Variants in CNTNAP5 observed in about 807,000 individuals in gnomAD.
The protein encoded by CNTNAP5 is contactin associated protein family member 5.
A neutral mutation model predicts 150.2 loss-of-function variants in CNTNAP5; 72 were observed. The ratio of observed to expected loss-of-function variants is 0.48; its 90% confidence interval spans 0.40 to 0.58. CNTNAP5 has a LOEUF of 0.58. Ranked by LOEUF, CNTNAP5 falls within the 20% of genes least tolerant of loss-of-function variation. The pLI, the probability that CNTNAP5 is intolerant of heterozygous loss-of-function variation, is 0.00. For missense variants in CNTNAP5, 1,636 were observed against 1,626.2 expected (o/e 1.01, Z -0.10); for synonymous variants, 672 against 619.8 (o/e 1.08, Z -1.25).
Position 124,252,031 on chromosome 2 carries a change from G to A in CNTNAP5, c.381+9638G>A, listed in dbSNP as rs150660903. ...TGAGAGAAAGGAAAATGCAGTGCAG[G>A]TGCAAATGACAGTGACCCAAAGCCA... is the stretch of plus-strand genomic sequence containing the variant. On this transcript the variant is annotated intron_variant, in intron 3 of 23. Coordinates refer to ENST00000682447, the MANE Select transcript of CNTNAP5 (RefSeq NM_001367498.1). Among the ~76,000 whole-genome samples the A allele has an allele frequency of 3.4e-4, 52 of 152,284 alleles. 1 individual carries two copies. In the East Asian group the frequency reaches 9.5e-3, roughly 28 times the overall value.
intron 10 of CNTNAP5, among the ~76,000 whole-genome samples, chr2:124,555,704 T>C (rs1695737519): frequency 6.6e-6 from 1 of 152,286 alleles, no homozygotes; most frequent in African/African-American, 2.4e-5. Flanking sequence ...CATGTTAACT[T>C]ACACAGGCTC....
rs1029644506 is a variant in CNTNAP5, at chr2:124,127,835, G to T, written c.83-93870G>T. On this transcript the variant is annotated intron_variant, in intron 1 of 23. Transcript: ENST00000682447. ...AAAGATTCCCTATTTAATAAATGTT[G>T]CTGGGAAAACTGGCTAGCCATATGT... Among the ~76,000 whole-genome samples, 6 of 152,160 alleles carry T rather than the reference G, an allele frequency of 3.9e-5. No individual in the cohort carries two copies. In the South Asian group the frequency reaches 6.2e-4, roughly 16 times the overall value.
chr2:124,713,235 C>CTT lies in CNTNAP5; in HGVS notation c.2078-33992_2078-33991dup, dbSNP rs1491013171. Among the ~76,000 whole-genome samples the CTT allele has an allele frequency of 3.4e-4, 14 of 40,734 alleles. No homozygotes were observed. In the South Asian group the frequency reaches 3.5e-3, roughly 10 times the overall value. The allele number at this position is 40,734 out of a possible 152,430, so 26.7% of individuals were successfully genotyped here. A position where few individuals can be genotyped will look rare whatever the true frequency, so the allele number is the denominator to read the frequency against. On this transcript the variant is annotated intron_variant, in intron 13 of 23. Transcript: ENST00000682447. ...TCTTTCTCTGTTTCTTTCTTTCTTT[C>CTT]TTTCTTTCTCTTTCTTTCTTTCTTT... is the stretch of plus-strand genomic sequence containing the variant.
chr2:124,443,523 A>C (rs1692726868), intron 5 of CNTNAP5, among the ~76,000 whole-genome samples: 1 of 152,094 alleles, frequency 6.6e-6, no homozygotes, highest in South Asian at 2.1e-4. Context: ...CACAAGCAAG[A>C]CATTAATAGC....
intron 1 of CNTNAP5, among the ~76,000 whole-genome samples, chr2:124,117,131 T>A (rs1480401081): frequency 6.6e-6 from 1 of 152,190 alleles, no homozygotes; most frequent in Non-Finnish European, 1.5e-5. Flanking sequence ...GTTTCCCTTA[T>A]TTTCATTTGA....
chr2:124,722,713 A>G (rs1381347930), intron 13 of CNTNAP5, among the ~76,000 whole-genome samples: 1 of 152,176 alleles, frequency 6.6e-6, no homozygotes, highest in Non-Finnish European at 1.5e-5. Flanking sequence ...ACCTCAGAAA[A>G]TGAATTGGAG....
intron 3 of CNTNAP5, among the ~76,000 whole-genome samples, chr2:124,333,301 C>G (rs1689393954): frequency 6.6e-6 from 1 of 151,942 alleles, no homozygotes; most frequent in East Asian, 1.9e-4. Flanking sequence ...AACACACACA[C>G]AAACAAAAAA....
rs115241725 is a variant in CNTNAP5, at chr2:124,841,607, T to G, written c.3218-23699T>G. 4.3e-3 allele frequency among the ~76,000 whole-genome samples: 654 copies of G among 152,216 alleles called. 7 individuals carry two copies. The highest frequency in any genetic ancestry group is 0.015 in the African/African-American group (634 of 41,546). On this transcript the variant is annotated intron_variant, in intron 19 of 23. Coordinates refer to ENST00000682447, the MANE Select transcript of CNTNAP5 (RefSeq NM_001367498.1). ...GGATGTTCCCTCGCAGCATTCCTCT[T>G]CACAGTATTATAATAGTCTGCTTAT...
In CNTNAP5 at chr2:124,915,341, A is replaced by C. The variant is rs2104773003; in HGVS notation, c.*1053A>C. 1 of 166,778 alleles carries C rather than the reference A, an allele frequency of 6.0e-6. No individual in the cohort carries two copies. Among genetic ancestry groups the C allele is most frequent in the Middle Eastern group, 3.4e-3 (1 of 296 alleles). The allele number at this position is 166,778 out of a possible 1,614,324, so 10.3% of individuals were successfully genotyped here. A position where few individuals can be genotyped will look rare whatever the true frequency, so the allele number is the denominator to read the frequency against. On this transcript the variant is annotated 3_prime_UTR_variant, in exon 24 of 24. Transcript: ENST00000682447. ...AACCATCTTAACTCAGCTTTAAAAC[A>C]AAAATTAAATCAGGAAAAAATGAAA...
chr2:124,316,138 C>A lies in CNTNAP5; in HGVS notation c.381+73745C>A, dbSNP rs1688953202. Among the ~76,000 whole-genome samples the A allele has an allele frequency of 2.0e-5, 3 of 152,122 alleles. No individual in the cohort carries two copies. In the South Asian group the frequency reaches 6.2e-4, roughly 32 times the overall value. ...GGTTTTATTGCCATAATTATTTGGG[C>A]CAGCAGGAGTTGGGGATTCTGCTGT... On this transcript the variant is annotated intron_variant, in intron 3 of 23. Transcript: ENST00000682447.
intron 3 of CNTNAP5, among the ~76,000 whole-genome samples, chr2:124,325,137 G>T (rs772243238): frequency 5.3e-5 from 8 of 152,118 alleles, no homozygotes; most frequent in Non-Finnish European, 1.0e-4. Context: ...TCATGAATGG[G>T]ATTAGTGCCC....
intron 7 of CNTNAP5, among the ~76,000 whole-genome samples, chr2:124,484,682 C>A (rs1202639080): frequency 6.6e-6 from 1 of 152,170 alleles, no homozygotes; most frequent in Non-Finnish European, 1.5e-5. Flanking sequence ...TAATCTCTAG[C>A]CTGCTCGACA....
chr2:124,280,929 A>G (rs981032151), intron 3 of CNTNAP5, among the ~76,000 whole-genome samples: 2 of 152,184 alleles, frequency 1.3e-5, no homozygotes, highest in African/African-American at 4.8e-5. Context: ...TAACCAAAAT[A>G]TTCATTAAGC....
intron 5 of CNTNAP5, among the ~76,000 whole-genome samples, chr2:124,442,936 T>G (rs977175532): frequency 1.5e-4 from 23 of 152,180 alleles, no homozygotes; most frequent in Non-Finnish European, 3.4e-4. Context: ...ATTTTAAAGC[T>G]AGACCGTATG....
intron 13 of CNTNAP5, among the ~76,000 whole-genome samples, chr2:124,666,815 G>A (rs948534460): frequency 2.0e-5 from 3 of 152,150 alleles, no homozygotes; most frequent in African/African-American, 7.2e-5. Context: ...ATCCTGCAGG[G>A]AGCGCATCCC....
chr2:124,517,994 G>A (rs1573430848), intron 8 of CNTNAP5, among the ~76,000 whole-genome samples: 1 of 151,864 alleles, frequency 6.6e-6, no homozygotes, highest in Non-Finnish European at 1.5e-5. Context: ...GATGGTGATG[G>A]GGGATTGTTA....
intron 12 of CNTNAP5, among the ~76,000 whole-genome samples, chr2:124,643,688 G>T (rs1308482840): frequency 6.6e-6 from 1 of 152,162 alleles, no homozygotes; most frequent in African/African-American, 2.4e-5. Context: ...TCATTTGAGT[G>T]CCAGACAGTC....
intron 3 of CNTNAP5, among the ~76,000 whole-genome samples, chr2:124,259,774 A>C (rs1470615817): frequency 7.2e-5 from 11 of 152,202 alleles, no homozygotes; most frequent in Admixed American, 7.2e-4. Flanking sequence ...CAATTGCTTC[A>C]AAGAGAATAA....
chr2:124,644,253 T>C (rs1678158147), intron 12 of CNTNAP5, among the ~76,000 whole-genome samples: 1 of 152,190 alleles, frequency 6.6e-6, no homozygotes, highest in Non-Finnish European at 1.5e-5. Flanking sequence ...AGAGCAGGCA[T>C]CAGGAGTATC....
Sources: allele counts gnomAD v4.1 joint callset (sites outside exome capture counted in the v4.1 genomes callset), GRCh38; gene constraint gnomAD v4.1.1; transcripts MANE v1.5; gene names NCBI Gene and HGNC (gene_info 2026-07-23, HGNC 2026-07-21).